Variants in UBR2 observed in about 807,000 individuals in gnomAD.
The protein encoded by UBR2 is ubiquitin protein ligase E3 component n-recognin 2.
A neutral mutation model predicts 247.9 loss-of-function variants in UBR2; 92 were observed. The observed-to-expected ratio is 0.37, with a 90% CI of 0.31 to 0.44. UBR2 has a LOEUF of 0.44. Among genes scored for constraint, UBR2 ranks in the 20% least tolerant of loss-of-function variants. The probability of loss-of-function intolerance (pLI) is 1.00; values close to 1 mark genes in which losing one functional copy is unlikely to be tolerated. For synonymous variants in UBR2, 672 were observed against 693.5 expected, an observed-to-expected ratio of 0.97 and a Z score of 0.49; for missense variants, 1,613 against 2,112.6, an observed-to-expected ratio of 0.76 and a Z score of 4.64.
chr6:42,652,231 C>A (rs1434898238), intron 24 of UBR2, among the ~76,000 whole-genome samples, 160 bp downstream of exon 24: 2 of 152,158 alleles, frequency 1.3e-5, no homozygotes, highest in East Asian at 3.8e-4. Context: ...TATGTTAACA[C>A]AGAAATAGTT....
chr6:42,632,751 T>G (rs200012581), intron 12 of UBR2, 36 bp downstream of exon 12: 158 of 1,591,868 alleles, frequency 9.9e-5, no homozygotes, highest in Non-Finnish European at 1.3e-4. Flanking sequence ...CAGTTGCAAT[T>G]TATAGAAAGT....
intron 39 of UBR2, 140 bp from the exon 40 acceptor site, chr6:42,676,643 G>T (rs1454753567): frequency 4.4e-6 from 3 of 687,842 alleles, no homozygotes; most frequent in Admixed American, 2.5e-5. Flanking sequence ...CCACTTGAGG[G>T]ATTACAATTT....
intron 36 of UBR2, among the ~76,000 whole-genome samples, chr6:42,672,196 C>T (rs1798483294): frequency 6.6e-6 from 1 of 152,108 alleles, no homozygotes; most frequent in Non-Finnish European, 1.5e-5. Flanking sequence ...CCGTGCCCAG[C>T]TAATTTTTGC....
At chr6:42,591,234 T>A (rs1484539491) in intron 2 of UBR2, among the ~76,000 whole-genome samples, 1 of 152,068 alleles carries the variant, frequency 6.6e-6, no homozygotes, top group East Asian at 1.9e-4. Context: ...CCTGGCTCAA[T>A]AAAAAGAACA....
chr6:42,654,793 T>C (rs1262559076), intron 25 of UBR2, among the ~76,000 whole-genome samples: 1 of 152,170 alleles, frequency 6.6e-6, no homozygotes, highest in African/African-American at 2.4e-5. Context: ...TCTCTAGAAG[T>C]CTGGTCAGGA....
chr6:42,641,953 A>G (rs1796473900), intron 17 of UBR2, among the ~76,000 whole-genome samples: 1 of 152,236 alleles, frequency 6.6e-6, no homozygotes, highest in Non-Finnish European at 1.5e-5. Context: ...TTAAAAAATA[A>G]AAACCCAGAT....
intron 42 of UBR2, among the ~76,000 whole-genome samples, chr6:42,682,672 A>C (rs1188970399): frequency 6.6e-6 from 1 of 152,168 alleles, no homozygotes; most frequent in Non-Finnish European, 1.5e-5. Flanking sequence ...TTCCCGCCTC[A>C]GCCTCCGAAA....
At chr6:42,686,655 CG>C (rs1202247974) in intron 44 of UBR2, among the ~76,000 whole-genome samples, 1 of 149,458 alleles carries the variant, frequency 6.7e-6, no homozygotes, top group Non-Finnish European at 1.5e-5. Context: ...ACGGGGCAGC[CG>C]GGCAGAGGCG....
chr6:42,615,510 G>A (rs143938927), intron 9 of UBR2, among the ~76,000 whole-genome samples: 2 of 152,214 alleles, frequency 1.3e-5, no homozygotes, highest in Non-Finnish European at 2.9e-5. Flanking sequence ...GAGTGCAGTG[G>A]CATGATCATT....
chr6:42,566,937 T>TA (rs1473508549), intron 1 of UBR2, among the ~76,000 whole-genome samples: 1 of 152,236 alleles, frequency 6.6e-6, no homozygotes, highest in Non-Finnish European at 1.5e-5. Flanking sequence ...TGTATTAAGT[T>TA]AAAACACCTA....
chr6:42,686,554 G>A (rs1340580064), intron 44 of UBR2, among the ~76,000 whole-genome samples: 2 of 152,112 alleles, frequency 1.3e-5, no homozygotes, highest in East Asian at 1.9e-4. Context: ...CGACAAAACC[G>A]CCATCGTCAT....
At chr6:42,655,909 A>T (rs1221770331) in intron 26 of UBR2, among the ~76,000 whole-genome samples, 186 bp downstream of exon 26, 1 of 152,204 alleles carries the variant, frequency 6.6e-6, no homozygotes, top group African/African-American at 2.4e-5. Flanking sequence ...TTTTATAAAA[A>T]TATCTAGGGC....
chr6:42,687,954 C>T (rs966929665), intron 44 of UBR2, among the ~76,000 whole-genome samples: 1 of 144,714 alleles, frequency 6.9e-6, no homozygotes, highest in African/African-American at 2.6e-5. Flanking sequence ...TACCGTTTAT[C>T]TTTTTCTCCT....
chr6:42,600,641 AAAAAAATT>A (rs1409890683), intron 4 of UBR2, among the ~76,000 whole-genome samples: 4 of 150,508 alleles, frequency 2.7e-5, no homozygotes, highest in African/African-American at 1.0e-4. Context: ...AAAAAAAAAA[AAAAAAATT>A]ATCAGTTGGT....
At chr6:42,564,535 A>G (rs1790664419) in intron 1 of UBR2, 138 bp downstream of exon 1, 3 of 999,070 alleles carry the variant, frequency 3.0e-6, no homozygotes, top group South Asian at 3.4e-5. Context: ...TTGTGGGGTA[A>G]TAGCCCGGGG....
chr6:42,601,887 TTTGATGG>T (rs1793394001), intron 4 of UBR2, among the ~76,000 whole-genome samples: 3 of 133,598 alleles, frequency 2.2e-5, no homozygotes, highest in Non-Finnish European at 3.3e-5. Flanking sequence ...TTTTTTTTTT[TTTGATGG>T]AGTTTTGCTC....
chr6:42,662,163 T>C (rs1363040883), intron 30 of UBR2, 21 bp from the exon 31 acceptor site: 1 of 1,492,824 alleles, frequency 6.7e-7, no homozygotes, highest in Non-Finnish European at 9.2e-7. Context: ...TTGTTTTGTT[T>C]TGTTTTGTTT....
At position 42,676,891 on chromosome 6, in the gene UBR2, A is replaced by G. The variant is rs779405973; in HGVS notation, c.4478+18A>G. 6.3e-7 allele frequency: 1 copy of G among 1,575,868 alleles called. No homozygotes were observed. Among genetic ancestry groups the G allele is most frequent in the African/African-American group, 1.4e-5 (1 of 74,052 alleles). ...ACGGGAAGGTGAGTTAGTTATCTTT[A>G]CATAACGCATTTCCCTAAATATTGC... On this transcript the variant is annotated intron_variant, in intron 40 of 46. Transcript: ENST00000372901.
intron 13 of UBR2, among the ~76,000 whole-genome samples, chr6:42,633,549 C>G (rs984695166): frequency 6.6e-6 from 1 of 152,050 alleles, no homozygotes; most frequent in African/African-American, 2.4e-5. Context: ...CACCACCACA[C>G]CAGCTAATTT....
Sources: allele counts gnomAD v4.1 joint callset (sites outside exome capture counted in the v4.1 genomes callset), GRCh38; gene constraint gnomAD v4.1.1; transcripts MANE v1.5; gene names NCBI Gene and HGNC (gene_info 2026-07-23, HGNC 2026-07-21).